The following XKR6 variants were observed in gnomAD, a reference collection of about 807,000 sequenced individuals.
XKR6 encodes XK related 6.
XKR6 carries 22 observed loss-of-function variants against 56.7 expected under a neutral mutation model. The observed-to-expected ratio is 0.39, with a 90% CI of 0.28 to 0.55. XKR6 has a LOEUF of 0.55. Among genes scored for constraint, XKR6 ranks in the 20% least tolerant of loss-of-function variants. XKR6 has a pLI of 0.66. For missense variants in XKR6, 852 were observed against 889.0 expected, an observed-to-expected ratio of 0.96 and a Z score of 0.53; for synonymous variants, 524 against 387.8, an observed-to-expected ratio of 1.35 and a Z score of -4.13.
At chr8:11,134,526 G>T (rs944899825) in intron 1 of XKR6, among the ~76,000 whole-genome samples, 1 of 152,150 alleles carries the variant, frequency 6.6e-6, no homozygotes, top group African/African-American at 2.4e-5. Flanking sequence ...CATTCAGTGG[G>T]TGCCATATGA....
chr8:11,187,307 G>A (rs547113782), intron 1 of XKR6, among the ~76,000 whole-genome samples: 1 of 152,312 alleles, frequency 6.6e-6, no homozygotes, highest in East Asian at 1.9e-4. Context: ...CATAAGAAAG[G>A]TAAGAAATGT....
intron 1 of XKR6, among the ~76,000 whole-genome samples, chr8:11,103,438 T>C (rs1798560749): frequency 6.6e-6 from 1 of 152,178 alleles, no homozygotes; most frequent in Admixed American, 6.5e-5. Flanking sequence ...AGCCACATAG[T>C]TGCTCGCATT....
At chr8:11,108,232 T>A (rs149250121) in intron 1 of XKR6, 1 of 453,000 alleles carries the variant, frequency 2.2e-6, no homozygotes, top group Non-Finnish European at 4.4e-6. Flanking sequence ...AACCATACAA[T>A]TGTAAAATCT....
chr8:11,164,675 T>C (rs17726209), intron 1 of XKR6, among the ~76,000 whole-genome samples: 42,665 of 152,060 alleles, frequency 0.28, 7,212 homozygotes, highest in Middle Eastern at 0.4. Context: ...CATGCCACAA[T>C]AGAGAGGGTC....
chr8:10,945,348 G>T (rs917160565), intron 1 of XKR6, among the ~76,000 whole-genome samples: 2 of 152,176 alleles, frequency 1.3e-5, no homozygotes, highest in African/African-American at 2.4e-5. Context: ...GCTGGGCATG[G>T]TGGTGCACAC....
intron 1 of XKR6, among the ~76,000 whole-genome samples, chr8:11,164,318 C>T (rs975006816): frequency 2.0e-5 from 3 of 152,212 alleles, no homozygotes; most frequent in Non-Finnish European, 2.9e-5. Context: ...CTTAGGTACT[C>T]GCTAGACTTT....
In XKR6 at chr8:11,026,771, C is replaced by T. The variant is rs1759733054; in HGVS notation, c.765-101941G>A. Among the ~76,000 whole-genome samples the T allele has an allele frequency of 2.0e-5, 3 of 151,600 alleles. No homozygotes were observed. The South Asian group carries it at 6.2e-4, about 32-fold the overall frequency. On this transcript the variant is annotated intron_variant, in intron 1 of 2. Transcript: ENST00000416569. Reference sequence around the variant, plus strand: ...CTAGCCTACTACACATCTAGATAGCCTAACCTACTACACACCTAGATGGTC... The same window carrying T: ...CTAGCCTACTACACATCTAGATAGCTTAACCTACTACACACCTAGATGGTC...
At chr8:10,914,417 G>C (rs940095179) in intron 2 of XKR6, among the ~76,000 whole-genome samples, 1 of 152,176 alleles carries the variant, frequency 6.6e-6, no homozygotes, top group South Asian at 2.1e-4. Context: ...GAATGGGAAA[G>C]ATCTTTTGGA....
chr8:10,937,917 G>A (rs1009606765), intron 1 of XKR6, among the ~76,000 whole-genome samples: 2 of 151,744 alleles, frequency 1.3e-5, no homozygotes, highest in African/African-American at 4.8e-5. Flanking sequence ...CTTGAGCTGT[G>A]GTGGGCTCCA....
intron 1 of XKR6, among the ~76,000 whole-genome samples, chr8:11,146,960 A>T (rs536382479): frequency 2.8e-4 from 42 of 152,224 alleles, no homozygotes; most frequent in African/African-American, 9.1e-4. Context: ...TAGTTGCCAC[A>T]AGCTGGGGAA....
At chr8:10,940,840 G>C (rs958911275) in intron 1 of XKR6, among the ~76,000 whole-genome samples, 1 of 152,184 alleles carries the variant, frequency 6.6e-6, no homozygotes, top group Non-Finnish European at 1.5e-5. Flanking sequence ...ATATGTGGTA[G>C]GTGCTGTGAC....
At chr8:11,185,601 G>C (rs753496884) in intron 1 of XKR6, among the ~76,000 whole-genome samples, 3 of 152,126 alleles carry the variant, frequency 2.0e-5, no homozygotes, top group Admixed American at 6.5e-5. Context: ...ATAGTTTCCT[G>C]GGAGATGGCA....
At chr8:11,161,556 G>A (rs1801812909) in intron 1 of XKR6, among the ~76,000 whole-genome samples, 1 of 152,118 alleles carries the variant, frequency 6.6e-6, no homozygotes, top group Non-Finnish European at 1.5e-5. Context: ...CCCCATGCTG[G>A]GGCACACTCA....
At chr8:11,057,158 C>T (rs904038932) in intron 1 of XKR6, among the ~76,000 whole-genome samples, 4 of 152,182 alleles carry the variant, frequency 2.6e-5, no homozygotes, top group African/African-American at 9.7e-5. Context: ...CTTCATGGAT[C>T]CTATTTGTCA....
intron 1 of XKR6, among the ~76,000 whole-genome samples, chr8:11,132,120 C>T (rs192741865): frequency 1.4e-4 from 22 of 152,154 alleles, no homozygotes; most frequent in East Asian, 5.8e-4. Flanking sequence ...TCTGGTGCAG[C>T]GCCCTAAAAT....
intron 1 of XKR6, among the ~76,000 whole-genome samples, chr8:11,039,660 T>C (rs1418757126): frequency 6.6e-6 from 1 of 152,204 alleles, no homozygotes; most frequent in Non-Finnish European, 1.5e-5. Flanking sequence ...AGTTCCAGCC[T>C]GGTGGCCCAC....
chr8:11,192,055 C>T (rs1429588146), intron 1 of XKR6, among the ~76,000 whole-genome samples: 5 of 152,090 alleles, frequency 3.3e-5, no homozygotes, highest in East Asian at 3.9e-4. Context: ...CCAGGCACAG[C>T]GACTCACGCC....
chr8:11,132,625 G>C (rs544316522), intron 1 of XKR6, among the ~76,000 whole-genome samples: 1 of 152,034 alleles, frequency 6.6e-6, no homozygotes, highest in Non-Finnish European at 1.5e-5. Flanking sequence ...ATCTCCCAAA[G>C]TGCTGGGATG....
intron 1 of XKR6, among the ~76,000 whole-genome samples, chr8:11,062,434 C>T (rs1799859685): frequency 1.3e-5 from 2 of 152,152 alleles, no homozygotes; most frequent in African/African-American, 4.8e-5. Flanking sequence ...CCTTATCTCC[C>T]TAGTAAGATC....
Sources: gnomAD v4.1 joint callset for allele counts (sites outside exome capture counted in the v4.1 genomes callset) on GRCh38, gnomAD v4.1.1 for gene constraint, MANE v1.5 for transcripts, NCBI Gene and HGNC (gene_info 2026-07-23, HGNC 2026-07-21) for gene names.